Variants in GSE1 observed in about 807,000 individuals in gnomAD.
The protein encoded by GSE1 is Gse1 coiled-coil protein.
A neutral mutation model predicts 112.6 loss-of-function variants in GSE1; 32 were observed. That is an observed-to-expected ratio of 0.28 (90% CI 0.21 to 0.38). The LOEUF (loss-of-function observed/expected upper bound fraction) is 0.38. Ranked by LOEUF, GSE1 falls within the 10% of genes least tolerant of loss-of-function variation. GSE1 has a pLI of 1.00. For missense variants in GSE1, 2,348 were observed against 1,699.2 expected (o/e 1.38, Z -6.71); for synonymous variants, 1,115 against 735.6 (o/e 1.52, Z -8.35).
chr16:85,276,431 G>A (rs1909371322), intron 1 of GSE1, among the ~76,000 whole-genome samples: 3 of 152,212 alleles, frequency 2.0e-5, no homozygotes, highest in Admixed American at 2.0e-4. Flanking sequence ...TTCACCCAGC[G>A]GTTTTCTGAG....
At chr16:85,340,652 A>G (rs574430039) in intron 1 of GSE1, among the ~76,000 whole-genome samples, 1 of 152,294 alleles carries the variant, frequency 6.6e-6, no homozygotes, top group East Asian at 1.9e-4. Context: ...AAAACAAACA[A>G]AGAAAAAACA....
intron 1 of GSE1, among the ~76,000 whole-genome samples, chr16:85,313,918 C>CTGTGTGTGTGTG (rs10676246): frequency 6.7e-6 from 1 of 149,178 alleles, no homozygotes; most frequent in Non-Finnish European, 1.5e-5. Context: ...GTCTGAGCCT[C>CTGTGTGTGTGTG]TGTGTGTGTG....
At chr16:85,363,142 C>T (rs1160761892) in intron 2 of GSE1, among the ~76,000 whole-genome samples, 1 of 152,168 alleles carries the variant, frequency 6.6e-6, no homozygotes, top group Non-Finnish European at 1.5e-5. Context: ...CGCTGGATAT[C>T]ATTATTAATA....
intron 1 of GSE1, among the ~76,000 whole-genome samples, chr16:85,188,837 A>G (rs1420734059): frequency 1.3e-5 from 2 of 151,612 alleles, no homozygotes; most frequent in East Asian, 3.9e-4. Flanking sequence ...AAAAAAACAC[A>G]GGAGTTTACA....
At chr16:85,432,616 TTG>T (rs2049148388) in intron 2 of GSE1, among the ~76,000 whole-genome samples, 1 of 152,246 alleles carries the variant, frequency 6.6e-6, no homozygotes, top group African/African-American at 2.4e-5. Context: ...TATGCCACCT[TTG>T]TGTGTTTCCA....
chr16:85,411,148 C>T (rs1293566833), intron 2 of GSE1, among the ~76,000 whole-genome samples: 2 of 118,308 alleles, frequency 1.7e-5, no homozygotes, highest in South Asian at 2.6e-4. Context: ...CTCAGGGCCC[C>T]CCTGGATAAT....
intron 1 of GSE1, among the ~76,000 whole-genome samples, chr16:85,262,461 C>G (rs865925257): frequency 1.8e-4 from 28 of 152,220 alleles, no homozygotes; most frequent in African/African-American, 6.0e-4. Flanking sequence ...ATCATCGTCA[C>G]GGCCCTGAAG....
intron 1 of GSE1, among the ~76,000 whole-genome samples, chr16:85,619,259 G>T (rs1028805802): frequency 7.2e-5 from 11 of 152,226 alleles, no homozygotes; most frequent in Non-Finnish European, 1.0e-4. Context: ...CCCCAGCCCT[G>T]CCCTTCCTGC....
intron 1 of GSE1, among the ~76,000 whole-genome samples, chr16:85,228,313 G>GT (rs1244267460): frequency 6.6e-6 from 1 of 152,202 alleles, no homozygotes; most frequent in Non-Finnish European, 1.5e-5. Flanking sequence ...GCCATTGTAG[G>GT]TTTTTGAGCA....
At chr16:85,600,340 C>A (rs993590335) in intron 1 of GSE1, among the ~76,000 whole-genome samples, 4 of 152,118 alleles carry the variant, frequency 2.6e-5, no homozygotes, top group Non-Finnish European at 5.9e-5. Flanking sequence ...GGCTGGGCCT[C>A]CTCGATGCTT....
intron 1 of GSE1, among the ~76,000 whole-genome samples, chr16:85,194,621 C>T (rs190867824): frequency 0.017 from 2,611 of 151,994 alleles, 32 homozygotes; most frequent in Non-Finnish European, 0.028. Context: ...GATTTTTTTT[C>T]CCCCTTGCTC....
intron 1 of GSE1, among the ~76,000 whole-genome samples, chr16:85,304,977 C>T (rs184188090): frequency 6.6e-6 from 1 of 152,240 alleles, no homozygotes; most frequent in Non-Finnish European, 1.5e-5. Context: ...CACTTCCACA[C>T]CCTTCTCAGG....
chr16:85,650,956 A>G (rs2051286346), intron 3 of GSE1, among the ~76,000 whole-genome samples: 4 of 151,216 alleles, frequency 2.6e-5, no homozygotes, highest in Admixed American at 2.0e-4. Flanking sequence ...CCTGTTTTAA[A>G]GCTAACAGGG....
intron 1 of GSE1, among the ~76,000 whole-genome samples, chr16:85,176,011 CAG>C (rs1374509962): frequency 6.6e-6 from 1 of 151,288 alleles, no homozygotes; most frequent in African/African-American, 2.5e-5. Context: ...TGTTTTGAGA[CAG>C]GGTCTCACTC....
At chr16:85,396,438 C>G (rs1262848056) in intron 2 of GSE1, among the ~76,000 whole-genome samples, 1 of 152,218 alleles carries the variant, frequency 6.6e-6, no homozygotes, top group Non-Finnish European at 1.5e-5. Context: ...GTTTCCACAC[C>G]CCTTCCACCT....
At chr16:85,628,766 TGAAAGA>T (rs2049285454) in intron 1 of GSE1, among the ~76,000 whole-genome samples, 1 of 152,144 alleles carries the variant, frequency 6.6e-6, no homozygotes, top group Non-Finnish European at 1.5e-5. Flanking sequence ...AGGATGAAAG[TGAAAGA>T]CATAGCTCTT....
chr16:85,655,034 G>T, intron 5 of GSE1, 43 bp downstream of exon 5: 1 of 1,269,488 alleles, frequency 7.9e-7, no homozygotes, highest in Non-Finnish European at 1.1e-6. Context: ...GTGCTGGCCT[G>T]TTCCTGGCAA....
intron 2 of GSE1, among the ~76,000 whole-genome samples, chr16:85,368,574 G>T (rs1007572881): frequency 6.6e-6 from 1 of 151,570 alleles, no homozygotes; most frequent in Non-Finnish European, 1.5e-5. Flanking sequence ...GCGTGGTGGT[G>T]CACACCTGTA....
chr16:85,461,782 C>T (rs2049975486), intron 2 of GSE1, among the ~76,000 whole-genome samples: 1 of 152,160 alleles, frequency 6.6e-6, no homozygotes, highest in Admixed American at 6.5e-5. Context: ...CTCACTAGAT[C>T]TCCTGCAGCT....
Sources: gnomAD v4.1 joint callset for allele counts (sites outside exome capture counted in the v4.1 genomes callset) on GRCh38, gnomAD v4.1.1 for gene constraint, MANE v1.5 for transcripts, NCBI Gene and HGNC (gene_info 2026-07-23, HGNC 2026-07-21) for gene names.